EHBP1: variants seen among roughly 807,000 people sequenced by gnomAD.
The protein encoded by EHBP1 is EH domain binding protein 1.
Under a neutral mutation model 144.0 loss-of-function variants are expected in EHBP1, and 55 were observed. The observed-to-expected ratio is 0.38, with a 90% CI of 0.31 to 0.48. EHBP1 has a LOEUF of 0.48. Ranked by LOEUF, EHBP1 falls within the 20% of genes least tolerant of loss-of-function variation. EHBP1 has a pLI of 0.98. For missense variants in EHBP1, 1,200 were observed against 1,364.2 expected (o/e 0.88, Z 1.90); for synonymous variants, 469 against 472.7 (o/e 0.99, Z 0.10).
At chr2:62,717,598 G>T (rs1387590313) in intron 2 of EHBP1, among the ~76,000 whole-genome samples, 1 of 152,088 alleles carries the variant, frequency 6.6e-6, no homozygotes, top group Non-Finnish European at 1.5e-5. Flanking sequence ...TTTTTTGGCA[G>T]CTTTGCTAAA....
intron 5 of EHBP1, 139 bp downstream of exon 5, chr2:62,771,531 T>G: frequency 1.7e-6 from 1 of 603,436 alleles, no homozygotes. Context: ...TAGAATGTTT[T>G]TAATGAAATG....
At position 62,682,334 on chromosome 2, in the gene EHBP1, C is replaced by G. The variant is rs150295108; in HGVS notation, c.-296+8251C>G. ...CCTTCATTGTCAGTGGGAATAGCTA[C>G]GATTTAAGTGGTGATCGTTGTCATT... On this transcript the variant is annotated intron_variant, in intron 1 of 22. Coordinates refer to the EHBP1 transcript ENST00000405015. 1.8e-4 allele frequency among the ~76,000 whole-genome samples: 27 copies of G among 152,234 alleles called. No individual in the cohort carries two copies. The East Asian group carries it at 4.1e-3, about 23-fold the overall frequency.
intron 5 of EHBP1, among the ~76,000 whole-genome samples, chr2:62,808,389 C>T (rs761412892): frequency 6.6e-6 from 1 of 151,888 alleles, no homozygotes; most frequent in Non-Finnish European, 1.5e-5. Context: ...GACTCTTTGC[C>T]AAGCAGTGTC....
At chr2:62,759,733 T>G (rs1263144913) in intron 3 of EHBP1, among the ~76,000 whole-genome samples, 1 of 152,084 alleles carries the variant, frequency 6.6e-6, no homozygotes, top group Non-Finnish European at 1.5e-5. Flanking sequence ...TATCAACCTC[T>G]TAAAAACCTA....
Position 62,943,811 on chromosome 2 carries a change from G to A in EHBP1, c.1374G>A (p.Lys458=), listed in dbSNP as rs2056911904. ...HHFRPDLIDY[K]SLNPQDIKEN... ...CTATTTTCTCCCTCAGTGACTACAA[G>A]TCTCTGAATCCTCAAGATATTAAAG... Residue 458 remains lysine, a synonymous_variant, in exon 12 of 23, where the codon AAG becomes AAA. Transcript: ENST00000431489. 1.2e-6 allele frequency: 2 copies of A among 1,601,282 alleles called. No homozygotes were observed. The highest frequency in any genetic ancestry group is 2.7e-5 in the African/African-American group (2 of 74,496).
intron 5 of EHBP1, among the ~76,000 whole-genome samples, chr2:62,809,884 A>G (rs946675231): frequency 4.6e-5 from 7 of 152,210 alleles, no homozygotes; most frequent in Non-Finnish European, 7.3e-5. Context: ...AAAACTCAGA[A>G]ATACCAAAAA....
chr2:62,974,051 T>A lies in EHBP1; in HGVS notation c.2461-5137T>A, dbSNP rs373522025. Among the ~76,000 whole-genome samples the A allele has an allele frequency of 2.0e-4, 30 of 152,288 alleles. 1 individual carries two copies. The highest frequency in any genetic ancestry group is 6.7e-4 in the African/African-American group (28 of 41,574). On this transcript the variant is annotated intron_variant, in intron 14 of 22. Coordinates refer to ENST00000431489, the MANE Select transcript of EHBP1 (RefSeq NM_001142616.3). ...AAAGAAATACTGATAGTAAACAGGA[T>A]TTTTTTATGATTTTCTTGCATCTTC...
At position 62,759,828 on chromosome 2, in the gene EHBP1, T is replaced by C. The variant is rs141015530; in HGVS notation, c.163-4438T>C. Among the ~76,000 whole-genome samples, 131 of 152,348 alleles carry C rather than the reference T, an allele frequency of 8.6e-4. 2 individuals carry two copies. Among genetic ancestry groups the C allele is most frequent in the African/African-American group, 2.9e-3 (120 of 41,582 alleles). On this transcript the variant is annotated intron_variant, in intron 3 of 22. Coordinates refer to ENST00000431489, the MANE Select transcript of EHBP1 (RefSeq NM_001142616.3). ...ACCTGTATTAAACTTGTCATTCTTTTTCTAGGTTCAGATTACCACTGTTTG... is the reference window on the plus strand; with the variant it reads ...ACCTGTATTAAACTTGTCATTCTTTCTCTAGGTTCAGATTACCACTGTTTG...
chr2:62,803,472 C>T (rs1001546546), intron 5 of EHBP1, among the ~76,000 whole-genome samples: 2 of 152,128 alleles, frequency 1.3e-5, no homozygotes, highest in African/African-American at 4.8e-5. Flanking sequence ...TAATTTTTGT[C>T]ACTTCGATGG....
chr2:62,881,426 A>G (rs2051407753), intron 10 of EHBP1, among the ~76,000 whole-genome samples: 1 of 151,092 alleles, frequency 6.6e-6, no homozygotes, highest in Admixed American at 6.6e-5. Flanking sequence ...CGGAAAAAAA[A>G]AAAAAAAAAA....
chr2:62,698,935 A>C (rs1410446833), intron 1 of EHBP1, among the ~76,000 whole-genome samples: 1 of 152,224 alleles, frequency 6.6e-6, no homozygotes, highest in Non-Finnish European at 1.5e-5. Flanking sequence ...CCCTTGGCTC[A>C]TGCCCAGTGC....
At chr2:62,697,475 C>T (rs1337603343) in intron 1 of EHBP1, among the ~76,000 whole-genome samples, 1 of 152,192 alleles carries the variant, frequency 6.6e-6, no homozygotes, top group Non-Finnish European at 1.5e-5. Flanking sequence ...GTCCCCAGCA[C>T]ATTGTCTTTT....
intron 14 of EHBP1, among the ~76,000 whole-genome samples, chr2:62,977,286 C>T: frequency 6.6e-6 from 1 of 152,070 alleles, no homozygotes; most frequent in East Asian, 1.9e-4. Flanking sequence ...AGTATCTCCT[C>T]AAATTTATTT....
At chr2:62,675,859 C>A (rs535743511) in intron 1 of EHBP1, among the ~76,000 whole-genome samples, 1 of 152,172 alleles carries the variant, frequency 6.6e-6, no homozygotes, top group Admixed American at 6.5e-5. Flanking sequence ...CTCAAGCGGT[C>A]CTCCCACTTA....
intron 14 of EHBP1, among the ~76,000 whole-genome samples, chr2:62,962,859 G>A (rs2058065566): frequency 6.6e-6 from 1 of 152,130 alleles, no homozygotes; most frequent in East Asian, 1.9e-4. Flanking sequence ...GAACTATCAG[G>A]AAGTAATTAC....
At chr2:62,981,819 A>G (rs1170183476) in intron 15 of EHBP1, among the ~76,000 whole-genome samples, 2 of 152,216 alleles carry the variant, frequency 1.3e-5, no homozygotes, top group Admixed American at 1.3e-4. Context: ...TGAAATGAAG[A>G]AGGGGCAGGG....
rs143884885 is a variant in EHBP1 at position 62,948,925 on chromosome 2, C to T, written c.2079C>T (p.Ile693=). The T allele has an allele frequency of 6.3e-5, 101 of 1,613,906 alleles. No individual in the cohort carries two copies. The highest frequency in any genetic ancestry group is 7.4e-5 in the Non-Finnish European group (87 of 1,179,968). The change falls in exon 13 of 23, where the codon ATC becomes ATT. Residue 693 remains isoleucine, a synonymous_variant. Coordinates refer to ENST00000431489, the MANE Select transcript of EHBP1 (RefSeq NM_001142616.3). ...TDEQKLQTLD[I]GSNLEKEKLE... ...AACAAAAGCTTCAAACTCTAGACAT[C>T]GGTAGTAACTTGGAGAAAGAAAAAT... is the stretch of plus-strand genomic sequence containing the variant.
chr2:62,887,804 C>T (rs1052859489), intron 10 of EHBP1, among the ~76,000 whole-genome samples: 2 of 152,060 alleles, frequency 1.3e-5, no homozygotes, highest in African/African-American at 4.8e-5. Flanking sequence ...GAATATTTTA[C>T]AATTGACCAT....
intron 1 of EHBP1, among the ~76,000 whole-genome samples, chr2:62,698,729 G>A (rs1451772488): frequency 6.6e-6 from 1 of 152,226 alleles, no homozygotes; most frequent in Admixed American, 6.5e-5. Flanking sequence ...GTGACTTGCT[G>A]TGAAAAGAGA....
Sources: allele counts gnomAD v4.1 joint callset (sites outside exome capture counted in the v4.1 genomes callset), GRCh38; gene constraint gnomAD v4.1.1; transcripts MANE v1.5; gene names NCBI Gene and HGNC (gene_info 2026-07-23, HGNC 2026-07-21).